The following ARHGEF28 variants were observed in gnomAD, a reference collection of about 807,000 sequenced individuals.
The protein encoded by ARHGEF28 is 190 kDa guanine nucleotide exchange factor.
Under a neutral mutation model 206.6 loss-of-function variants are expected in ARHGEF28, and 152 were observed. The observed-to-expected ratio is 0.74, with a 90% CI of 0.64 to 0.84. The LOEUF (loss-of-function observed/expected upper bound fraction) is 0.84. Ranked by LOEUF, ARHGEF28 falls within the 40% of genes least tolerant of loss-of-function variation. ARHGEF28 has a pLI of 0.00. For synonymous variants in ARHGEF28, 763 were observed against 776.4 expected (o/e 0.98, Z 0.29); for missense variants, 2,028 against 2,073.2 (o/e 0.98, Z 0.42).
At chr5:73,741,397 A>G (rs1271245616) in intron 2 of ARHGEF28, among the ~76,000 whole-genome samples, 232 of 9,428 alleles carry the variant, frequency 0.025, no homozygotes, top group Non-Finnish European at 0.036. Context: ...ATATATATAT[A>G]TATATATATA....
At chr5:73,660,479 C>T (rs1430468192) in intron 1 of ARHGEF28, among the ~76,000 whole-genome samples, 1 of 152,164 alleles carries the variant, frequency 6.6e-6, no homozygotes, top group Non-Finnish European at 1.5e-5. Flanking sequence ...CTTGACCTCC[C>T]ATGAATCACA....
intron 26 of ARHGEF28, among the ~76,000 whole-genome samples, chr5:73,889,642 C>T (rs563205005): frequency 1.3e-5 from 2 of 152,336 alleles, no homozygotes; most frequent in South Asian, 2.1e-4. Flanking sequence ...AAAATGGATA[C>T]GGTGTAACAA....
intron 5 of ARHGEF28, among the ~76,000 whole-genome samples, chr5:73,775,774 T>C (rs1753506805): frequency 6.6e-6 from 1 of 152,182 alleles, no homozygotes; most frequent in East Asian, 1.9e-4. Context: ...TACAGGACCT[T>C]ATAAGCCATC....
chr5:73,680,716 T>C (rs942835072), intron 1 of ARHGEF28, among the ~76,000 whole-genome samples: 2 of 152,100 alleles, frequency 1.3e-5, no homozygotes, highest in Non-Finnish European at 2.9e-5. Context: ...TCAGATAAAA[T>C]CTAGCAAATA....
chr5:73,743,592 A>T (rs1436826706), intron 2 of ARHGEF28, among the ~76,000 whole-genome samples: 3 of 152,230 alleles, frequency 2.0e-5, no homozygotes, highest in African/African-American at 7.2e-5. Context: ...CGTGAATGGG[A>T]CAATACATTT....
chr5:73,883,786 T>C lies in ARHGEF28; in HGVS notation c.2957T>C (p.Leu986Ser). ...TTTAAGCTCCGAAATAGTAATCTTTTGGCTCGACGCCGAGGAATTCCAGAA... is the reference window on the plus strand; with the variant it reads ...TTTAAGCTCCGAAATAGTAATCTTTCGGCTCGACGCCGAGGAATTCCAGAA... ...NFIKLRNSNL[L>S]ARRRGIPECI... Residue 986 changes from leucine to serine, a missense_variant, in exon 24 of 36, where the codon TTG becomes TCG. By Grantham distance (145) the Leu-to-Ser change is moderately radical. Coordinates refer to ENST00000513042, the MANE Select transcript of ARHGEF28 (RefSeq NM_001177693.2). The C allele has an allele frequency of 1.3e-6, 2 of 1,559,622 alleles. No individual in the cohort carries two copies. The highest frequency in any genetic ancestry group is 1.7e-6 in the Non-Finnish European group (2 of 1,152,266).
intron 35 of ARHGEF28, among the ~76,000 whole-genome samples, chr5:73,935,185 C>T (rs1477799928): frequency 6.6e-6 from 1 of 152,184 alleles, no homozygotes; most frequent in African/African-American, 2.4e-5. Flanking sequence ...TCAACTCCCA[C>T]AATCACAACT....
rs372759519 is a variant in ARHGEF28 at position 73,904,343 on chromosome 5, A to G, written c.4114-15A>G. 4.5e-4 allele frequency: 718 copies of G among 1,613,318 alleles called. 1 individual carries two copies. The highest frequency in any genetic ancestry group is 5.8e-4 in the Non-Finnish European group (683 of 1,179,560). On this transcript the variant is annotated splice_polypyrimidine_tract_variant and intron_variant, in intron 32 of 35. Coordinates refer to ENST00000513042, the MANE Select transcript of ARHGEF28 (RefSeq NM_001177693.2). Reference sequence around the variant, plus strand: ...GCTTTTTCAAGAATTTGACACTTACAATTTTGTTTTTCAGATTATACAAGC... The same window carrying G: ...GCTTTTTCAAGAATTTGACACTTACGATTTTGTTTTTCAGATTATACAAGC...
chr5:73,939,572 C>A (rs1353975951), intron 35 of ARHGEF28, among the ~76,000 whole-genome samples: 3 of 152,318 alleles, frequency 2.0e-5, no homozygotes, highest in African/African-American at 7.2e-5. Flanking sequence ...CTCCAGGGAC[C>A]TTCATCGGCT....
chr5:73,698,777 G>A (rs76893484), intron 2 of ARHGEF28, among the ~76,000 whole-genome samples: 42 of 152,174 alleles, frequency 2.8e-4, no homozygotes, highest in African/African-American at 1.0e-3. Flanking sequence ...AGCCTGTGTA[G>A]GAGCTGGGTT....
intron 9 of ARHGEF28, among the ~76,000 whole-genome samples, chr5:73,827,829 T>C (rs1561434876): frequency 6.6e-6 from 1 of 152,236 alleles, no homozygotes; most frequent in Non-Finnish European, 1.5e-5. Context: ...ACAGCATTAA[T>C]TTAAAACAAG....
chr5:73,670,379 T>C (rs191152979), intron 1 of ARHGEF28, among the ~76,000 whole-genome samples: 2 of 152,378 alleles, frequency 1.3e-5, no homozygotes, highest in Admixed American at 1.3e-4. Flanking sequence ...CTGTATTATC[T>C]ATAATACTGA....
At chr5:73,893,379 A>C (rs1479274842) in intron 28 of ARHGEF28, 91 bp downstream of exon 28, 1 of 1,041,336 alleles carries the variant, frequency 9.6e-7, no homozygotes, top group African/African-American at 1.6e-5. Context: ...TTATAACTAC[A>C]TGATTCATCC....
intron 4 of ARHGEF28, among the ~76,000 whole-genome samples, chr5:73,754,113 A>G (rs768968598): frequency 2.6e-5 from 4 of 152,086 alleles, no homozygotes; most frequent in Non-Finnish European, 5.9e-5. Context: ...TAGTCAGATG[A>G]TGCTATTTTT....
At chr5:73,932,931 C>G (rs1764214149) in intron 35 of ARHGEF28, among the ~76,000 whole-genome samples, 1 of 151,252 alleles carries the variant, frequency 6.6e-6, no homozygotes, top group African/African-American at 2.4e-5. Context: ...GCCTCAGCCT[C>G]CCGTGTAGCT....
At chr5:73,660,192 A>C (rs190681744) in intron 1 of ARHGEF28, among the ~76,000 whole-genome samples, 176 of 152,346 alleles carry the variant, frequency 1.2e-3, no homozygotes, top group African/African-American at 4.2e-3. Context: ...CTTTTCAACA[A>C]CGTTCACAGC....
chr5:73,842,203 C>G (rs376755452), intron 11 of ARHGEF28, among the ~76,000 whole-genome samples: 2 of 152,230 alleles, frequency 1.3e-5, no homozygotes, highest in East Asian at 3.9e-4. Flanking sequence ...CATATCCTAC[C>G]CATGTGATTA....
At chr5:73,697,358 A>G (rs12655034) in intron 2 of ARHGEF28, among the ~76,000 whole-genome samples, 50,159 of 152,084 alleles carry the variant, frequency 0.33, 9,424 homozygotes, top group African/African-American at 0.52. Context: ...CATTATGTTA[A>G]TCTGTTTTCC....
intron 1 of ARHGEF28, among the ~76,000 whole-genome samples, chr5:73,684,141 T>C (rs1370801545): frequency 2.6e-5 from 4 of 152,186 alleles, no homozygotes; most frequent in Non-Finnish European, 5.9e-5. Flanking sequence ...TACATTCACA[T>C]TGTTGTGCAA....
Sources: gnomAD v4.1 joint callset for allele counts (sites outside exome capture counted in the v4.1 genomes callset) on GRCh38, gnomAD v4.1.1 for gene constraint, MANE v1.5 for transcripts, NCBI Gene and HGNC (gene_info 2026-07-23, HGNC 2026-07-21) for gene names.